The following ZNF782 variants were observed in gnomAD, a reference collection of about 807,000 sequenced individuals.
ZNF782 encodes zinc finger protein 782.
A neutral mutation model predicts 13.0 loss-of-function variants in ZNF782; 12 were observed. That is an observed-to-expected ratio of 0.92 (90% CI 0.59 to 1.50). ZNF782 has a LOEUF of 1.50. Among genes scored for constraint, ZNF782 ranks in the 40% most tolerant of loss-of-function variants. The pLI, the probability that ZNF782 is intolerant of heterozygous loss-of-function variation, is 0.00. For missense variants in ZNF782, 770 were observed against 822.9 expected (o/e 0.94, Z 0.79); for synonymous variants, 284 against 283.0 (o/e 1.00, Z -0.04).
At position 96,817,724 on chromosome 9, in the gene ZNF782, G is replaced by A. The variant is rs781327603; in HGVS notation, c.*199C>T. 25 of 492,316 alleles carry A rather than the reference G, an allele frequency of 5.1e-5. No individual in the cohort carries two copies. The South Asian group carries it at 1.0e-3, about 20-fold the overall frequency. The allele number at this position is 492,316 out of a possible 1,614,324, so 30.5% of individuals were successfully genotyped here. ...GAGTTCTGTATATCCATAGAAGACT[G>A]GGCTCTGGCTGAAAGAATGCCCATA... On this transcript the variant is annotated 3_prime_UTR_variant, in exon 6 of 6. Coordinates refer to ENST00000481138, the MANE Select transcript of ZNF782 (RefSeq NM_001001662.3).
At chr9:96,921,025 T>C in the ZNF782 span, among the ~76,000 whole-genome samples, 5 of 146,584 alleles carry the variant, frequency 3.4e-5, no homozygotes, top group Non-Finnish European at 3.0e-5. Context: ...CTTTGGAGAG[T>C]TGTATAATGT....
chr9:96,903,321 C>T, the ZNF782 span, among the ~76,000 whole-genome samples: 1 of 151,834 alleles, frequency 6.6e-6, no homozygotes, highest in Non-Finnish European at 1.5e-5. Flanking sequence ...ACCTTTGAGA[C>T]GGGCTTCTTT....
the ZNF782 span, among the ~76,000 whole-genome samples, chr9:96,910,668 G>A: frequency 2.7e-5 from 4 of 150,704 alleles, no homozygotes; most frequent in East Asian, 7.8e-4. Flanking sequence ...GCAGAGTCTT[G>A]CTCTGTCACC....
At chr9:96,846,095 C>T (rs978236336) in intron 3 of ZNF782, among the ~76,000 whole-genome samples, 1 of 152,178 alleles carries the variant, frequency 6.6e-6, no homozygotes, top group South Asian at 2.1e-4. Flanking sequence ...CTGCATCCAG[C>T]AAAACTAAGT....
chr9:96,820,037 G>A (rs937120715), intron 5 of ZNF782, among the ~76,000 whole-genome samples: 3 of 152,086 alleles, frequency 2.0e-5, no homozygotes, highest in Non-Finnish European at 4.4e-5. Context: ...AAACTGAATA[G>A]AGAAGAGGAT....
In ZNF782 at chr9:96,865,801, C is replaced by G. The variant is rs186357711; in HGVS notation, c.-456-4198G>C. 2.2e-3 allele frequency among the ~76,000 whole-genome samples: 342 copies of G among 152,156 alleles called. 3 individuals are homozygous for G. Among genetic ancestry groups the G allele is most frequent in the African/African-American group, 7.8e-3 (322 of 41,486 alleles). ...TGGACAATCCAGGCTGAGGTGGTCT[C>G]AGATGGAGATGAGGAACTTGTTGGG... On this transcript the variant is annotated intron_variant, in intron 1 of 5. Transcript: ENST00000498811.
chr9:96,918,474 C>T, the ZNF782 span, among the ~76,000 whole-genome samples: 5 of 149,636 alleles, frequency 3.3e-5, no homozygotes, highest in African/African-American at 7.4e-5. Flanking sequence ...CAGGTTTTGG[C>T]GGGCTTCAGA....
chr9:96,880,122 A>G (rs1490079001), upstream of ZNF782, among the ~76,000 whole-genome samples: 1 of 147,794 alleles, frequency 6.8e-6, no homozygotes, highest in Non-Finnish European at 1.5e-5. Flanking sequence ...GTTGATATTT[A>G]TGTGTTGGCT....
the ZNF782 span, chr9:96,910,059 C>T: frequency 1.7e-6 from 1 of 586,536 alleles, no homozygotes; most frequent in East Asian, 4.6e-5. Flanking sequence ...TGCATCAGAT[C>T]ACCGGCGTGC....
chr9:96,910,960 A>T, the ZNF782 span, among the ~76,000 whole-genome samples: 2 of 148,812 alleles, frequency 1.3e-5, no homozygotes, highest in South Asian at 2.1e-4. Context: ...AAAGTACTTT[A>T]AAAAAAGAAA....
the ZNF782 span, among the ~76,000 whole-genome samples, chr9:96,927,717 C>G: frequency 6.6e-6 from 1 of 151,744 alleles, no homozygotes; most frequent in African/African-American, 2.4e-5. Flanking sequence ...TCATATGGAT[C>G]ATAATTATAG....
the ZNF782 span, among the ~76,000 whole-genome samples, chr9:96,884,767 A>G: frequency 2.6e-5 from 4 of 152,228 alleles, no homozygotes; most frequent in Admixed American, 1.3e-4. Context: ...GGAGGAGTCT[A>G]TTAGGAAGCT....
upstream of ZNF782, among the ~76,000 whole-genome samples, chr9:96,855,759 T>G (rs1851632852): frequency 6.6e-6 from 1 of 152,254 alleles, no homozygotes; most frequent in African/African-American, 2.4e-5. Flanking sequence ...TCTTTTCCTC[T>G]GGGTAGATAC....
the ZNF782 span, among the ~76,000 whole-genome samples, chr9:96,903,458 T>C: frequency 6.6e-6 from 1 of 151,462 alleles, no homozygotes; most frequent in Non-Finnish European, 1.5e-5. Context: ...AAGTTTTCAG[T>C]GTTTCCAGTT....
chr9:96,909,994 A>C, the ZNF782 span: 1 of 504,174 alleles, frequency 2.0e-6, no homozygotes, highest in Non-Finnish European at 3.8e-6. Context: ...TCCACCGCAG[A>C]CTCTGGCAGC....
At chr9:96,821,006 G>A (rs140739339) in intron 5 of ZNF782, among the ~76,000 whole-genome samples, 52 of 152,104 alleles carry the variant, frequency 3.4e-4, no homozygotes, top group African/African-American at 1.2e-3. Flanking sequence ...TGAACCTTAC[G>A]GATCATATAT....
the ZNF782 span, chr9:96,931,630 T>C: frequency 1.4e-6 from 2 of 1,387,960 alleles, no homozygotes; most frequent in Non-Finnish European, 2.0e-6. Context: ...CCCTGTCACA[T>C]GCCCTCAGCT....
chr9:96,841,010 T>A (rs1851172624), intron 4 of ZNF782, among the ~76,000 whole-genome samples: 1 of 149,826 alleles, frequency 6.7e-6, no homozygotes, highest in African/African-American at 2.5e-5. Context: ...GTAGGAAGAG[T>A]GAACAAAAAA....
At chr9:96,865,713 G>A (rs1439256524) in intron 1 of ZNF782, among the ~76,000 whole-genome samples, 20 of 152,274 alleles carry the variant, frequency 1.3e-4, no homozygotes, top group Non-Finnish European at 8.8e-5. Flanking sequence ...AGGAAAATAT[G>A]GGAACGTTTG....
Sources: gnomAD v4.1 joint callset for allele counts (sites outside exome capture counted in the v4.1 genomes callset) on GRCh38, gnomAD v4.1.1 for gene constraint, MANE v1.5 for transcripts, NCBI Gene and HGNC (gene_info 2026-07-23, HGNC 2026-07-21) for gene names.